Variants in SLC61A1 observed in about 807,000 individuals in gnomAD.
SLC61A1 encodes solute carrier family 61 member 1.
the SLC61A1 span, chr12:53,253,502 G>C: frequency 6.2e-7 from 1 of 1,614,202 alleles, no homozygotes; most frequent in African/African-American, 1.3e-5. Context: ...TCGAAACTGG[G>C]GGGAGAACTA....
At chr12:53,251,613 G>C in the SLC61A1 span, 1 of 1,073,438 alleles carries the variant, frequency 9.3e-7, no homozygotes, top group South Asian at 1.7e-5. Flanking sequence ...CTTGCCCAAG[G>C]CCACACAGCT....
the SLC61A1 span, chr12:53,253,971 A>G: frequency 2.5e-6 from 4 of 1,614,012 alleles, no homozygotes; most frequent in African/African-American, 1.3e-5. Flanking sequence ...GGTGTACTCA[A>G]CTGGTTCCGG....
At chr12:53,254,116 C>T in the SLC61A1 span, 1 of 1,614,188 alleles carries the variant, frequency 6.2e-7, no homozygotes, top group African/African-American at 1.3e-5. Context: ...TGGGACTCTT[C>T]ACCGTGGTAA....
chr12:53,251,685 C>T, the SLC61A1 span: 41 of 1,491,440 alleles, frequency 2.7e-5, no homozygotes, highest in Non-Finnish European at 3.7e-5. Flanking sequence ...AAGTTCTTTA[C>T]ACCACACCGC....
the SLC61A1 span, chr12:53,254,239 C>T: frequency 2.7e-5 from 43 of 1,571,390 alleles, no homozygotes; most frequent in East Asian, 1.6e-4. Flanking sequence ...TCCAGCTATC[C>T]GGGATTGTAC....
At chr12:53,254,049 C>G in the SLC61A1 span, 9 of 1,614,196 alleles carry the variant, frequency 5.6e-6, no homozygotes, top group Non-Finnish European at 6.8e-6. Context: ...AAAACAGGCA[C>G]TCGGAATATG....
At chr12:53,253,295 C>T in the SLC61A1 span, 1 of 1,614,262 alleles carries the variant, frequency 6.2e-7, no homozygotes, top group Non-Finnish European at 8.5e-7. Context: ...CTGGTATATC[C>T]ATGAGCACGT....
At chr12:53,251,829 T>C in the SLC61A1 span, 2 of 1,537,310 alleles carry the variant, frequency 1.3e-6, no homozygotes, top group Admixed American at 2.0e-5. Flanking sequence ...CCCTTGGCTC[T>C]ACCGGACTGC....
chr12:53,253,922 T>C, the SLC61A1 span: 1 of 1,614,212 alleles, frequency 6.2e-7, no homozygotes, highest in South Asian at 1.1e-5. Flanking sequence ...CAGCATGAGC[T>C]TCCTACGGAG....
chr12:53,254,001 C>T, the SLC61A1 span: 4 of 1,614,230 alleles, frequency 2.5e-6, no homozygotes, highest in Non-Finnish European at 3.4e-6. Flanking sequence ...CACTCACTGG[C>T]TTGCCTAGGG....
chr12:53,251,723 C>T, the SLC61A1 span: 1 of 1,532,216 alleles, frequency 6.5e-7, no homozygotes, highest in Non-Finnish European at 8.7e-7. Flanking sequence ...ACCATACTGG[C>T]TTCTCTTGCA....
chr12:53,251,557 C>T, the SLC61A1 span: 2 of 645,606 alleles, frequency 3.1e-6, no homozygotes, highest in Non-Finnish European at 5.2e-6. Context: ...TTGGGCATTG[C>T]TATCCTGTGA....
At chr12:53,252,482 A>G in the SLC61A1 span, 4 of 1,306,238 alleles carry the variant, frequency 3.1e-6, no homozygotes, top group African/African-American at 6.0e-5. Flanking sequence ...CGAGGACGGG[A>G]GGTAATAGAA....
the SLC61A1 span, chr12:53,253,015 C>A: frequency 6.2e-7 from 1 of 1,614,188 alleles, no homozygotes; most frequent in Non-Finnish European, 8.5e-7. Flanking sequence ...GGCTTCAGGC[C>A]CCCTACCTCT....
At chr12:53,253,481 G>C in the SLC61A1 span, 2 of 1,614,024 alleles carry the variant, frequency 1.2e-6, no homozygotes, top group African/African-American at 1.3e-5. Flanking sequence ...TCTGGCAGGG[G>C]CCTTGGCCCT....
At chr12:53,253,832 A>G in the SLC61A1 span, 4 of 1,614,074 alleles carry the variant, frequency 2.5e-6, no homozygotes, top group African/African-American at 1.3e-5. Flanking sequence ...GACTTTCTCT[A>G]CCAGCCCAGG....
chr12:53,252,909 G>A, the SLC61A1 span: 1 of 1,614,154 alleles, frequency 6.2e-7, no homozygotes, highest in African/African-American at 1.3e-5. Context: ...TCAAGATGCC[G>A]GGCTAAACCC....
At chr12:53,253,983 T>C in the SLC61A1 span, 4 of 1,614,184 alleles carry the variant, frequency 2.5e-6, no homozygotes, top group South Asian at 4.4e-5. Context: ...TGGTTCCGGG[T>C]ACCTCTGCAC....
At chr12:53,252,758 G>GC in the SLC61A1 span, 1 of 1,561,194 alleles carries the variant, frequency 6.4e-7, no homozygotes, top group Non-Finnish European at 8.7e-7. Context: ...GCTTAAGACA[G>GC]CCCCTTGACC....
Sources: gnomAD v4.1 joint callset for allele counts on GRCh38, gnomAD v4.1.1 for gene constraint, MANE v1.5 for transcripts, NCBI Gene and HGNC (gene_info 2026-07-23, HGNC 2026-07-21) for gene names.